Variants in DNAH3 observed in about 807,000 individuals in gnomAD.
DNAH3 encodes dynein axonemal heavy chain 3.
Under a neutral mutation model 432.5 loss-of-function variants are expected in DNAH3, and 332 were observed. The observed-to-expected ratio is 0.77, with a 90% CI of 0.70 to 0.84. DNAH3 has a LOEUF of 0.84. Ranked by LOEUF, DNAH3 falls within the 40% of genes least tolerant of loss-of-function variation. The probability of loss-of-function intolerance (pLI) is 0.00; values close to 1 mark genes in which losing one functional copy is unlikely to be tolerated. For synonymous variants in DNAH3, 1,956 were observed against 1,900.2 expected (o/e 1.03, Z -0.76); for missense variants, 4,861 against 5,114.0 (o/e 0.95, Z 1.51).
At chr16:21,106,569 G>A in exon 15 of DNAH3, 2 of 1,612,378 alleles carry the variant, frequency 1.2e-6, no homozygotes, top group South Asian at 1.1e-5. Context: ...TGAACACAGT[G>A]ACAGCACTGG....
chr16:21,013,778 A>C (rs2087732276), intron 41 of DNAH3, among the ~76,000 whole-genome samples: 1 of 152,024 alleles, frequency 6.6e-6, no homozygotes, highest in African/African-American at 2.4e-5. Context: ...TACTGATTCA[A>C]TGGACATTAA....
chr16:21,140,026 C>A (rs2092698563), intron 5 of DNAH3, among the ~76,000 whole-genome samples: 1 of 151,440 alleles, frequency 6.6e-6, no homozygotes, highest in Admixed American at 6.6e-5. Flanking sequence ...CTCAAGTGAT[C>A]CACCTGCCTC....
intron 1 of DNAH3, chr16:21,150,828 T>C (rs1275201919): frequency 1.3e-5 from 2 of 153,392 alleles, no homozygotes; most frequent in African/African-American, 4.8e-5. Context: ...AGTGCTTGTA[T>C]GCAGGCGCTG....
chr16:21,135,490 C>T (rs760102557), intron 6 of DNAH3, among the ~76,000 whole-genome samples: 18 of 152,002 alleles, frequency 1.2e-4, no homozygotes, highest in Non-Finnish European at 2.5e-4. Context: ...GTCATGAATT[C>T]GAGACCAGAC....
intron 1 of DNAH3, among the ~76,000 whole-genome samples, chr16:21,150,000 CG>C (rs2092833088): frequency 6.6e-6 from 1 of 151,858 alleles, no homozygotes; most frequent in Non-Finnish European, 1.5e-5. Context: ...CTGAGGCAGG[CG>C]GATCTCCTGA....
At chr16:20,994,121 C>A (rs1176569342) in intron 44 of DNAH3, among the ~76,000 whole-genome samples, 8 of 151,880 alleles carry the variant, frequency 5.3e-5, no homozygotes, top group Non-Finnish European at 8.8e-5. Context: ...CCTTTTAATC[C>A]TTTTCTTCAT....
intron 11 of DNAH3, among the ~76,000 whole-genome samples, chr16:21,117,578 G>C (rs2092235525): frequency 6.6e-6 from 1 of 152,078 alleles, no homozygotes; most frequent in Non-Finnish European, 1.5e-5. Context: ...CTTGTCCTTT[G>C]AGAGTCCCCC....
At chr16:21,050,049 T>C in intron 29 of DNAH3, 31 bp from the exon 30 acceptor site, 1 of 1,507,048 alleles carries the variant, frequency 6.6e-7, no homozygotes, top group Non-Finnish European at 9.2e-7. Flanking sequence ...CTTCAGTGCT[T>C]GAGGTCTAAG....
At chr16:21,156,380 T>A (rs1712629543) in intron 1 of DNAH3, among the ~76,000 whole-genome samples, 1 of 151,984 alleles carries the variant, frequency 6.6e-6, no homozygotes, top group South Asian at 2.1e-4. Flanking sequence ...TACAGGCATG[T>A]GCCACTATGC....
Position 20,941,417 on chromosome 16 carries a change from G to A in DNAH3, c.11638C>T (p.Leu3880Phe), listed in dbSNP as rs2083804473. The A allele has an allele frequency of 2.5e-6, 4 of 1,613,880 alleles. No individual in the cohort carries two copies. In the South Asian group the frequency reaches 4.4e-5, roughly 18 times the overall value. Residue 3880 changes from leucine (L) to phenylalanine (F), a missense_variant, in exon 59 of 62, where the codon CTC (leucine) becomes TTC (phenylalanine). By Grantham distance (22) the Leu-to-Phe change is conservative. Transcript: ENST00000261383. ...CTGGCCCACCTGTTGAATCTGATGAGCTCCTGCCTTAGGACGGTATTCATG... is the reference window on the plus strand; with the variant it reads ...CTGGCCCACCTGTTGAATCTGATGAACTCCTGCCTTAGGACGGTATTCATG...
chr16:21,025,715 C>T (rs1474452452), intron 38 of DNAH3, among the ~76,000 whole-genome samples: 1 of 151,508 alleles, frequency 6.6e-6, no homozygotes. Flanking sequence ...TTTATTAATT[C>T]ACTCTTTTGT....
At chr16:21,098,454 A>AAAAAG (rs1209187624) in intron 17 of DNAH3, among the ~76,000 whole-genome samples, 162 bp downstream of exon 17, 76 of 149,672 alleles carry the variant, frequency 5.1e-4, no homozygotes, top group East Asian at 3.4e-3. Context: ...AAAAAAAAAA[A>AAAAAG]AAAAGAAAAG....
exon 6 of DNAH3, chr16:21,136,391 C>A (rs1296729033): frequency 6.2e-7 from 1 of 1,614,070 alleles, no homozygotes; most frequent in Non-Finnish European, 8.5e-7. Context: ...CCATCAGGGG[C>A]TCCAGGAAGG....
At chr16:20,986,434 G>C (rs961795773) in intron 47 of DNAH3, among the ~76,000 whole-genome samples, 1 of 152,056 alleles carries the variant, frequency 6.6e-6, no homozygotes, top group African/African-American at 2.4e-5. Context: ...TTGAGCCCAG[G>C]AGCTTGAGGC....
intron 27 of DNAH3, among the ~76,000 whole-genome samples, chr16:21,055,123 T>C (rs750946439): frequency 3.3e-5 from 5 of 151,516 alleles, no homozygotes; most frequent in Non-Finnish European, 5.9e-5. Context: ...AGTAGGGCAA[T>C]TGGCTAATTT....
At chr16:21,022,352 G>A (rs1287344647) in intron 39 of DNAH3, among the ~76,000 whole-genome samples, 2 of 152,222 alleles carry the variant, frequency 1.3e-5, no homozygotes, top group African/African-American at 4.8e-5. Flanking sequence ...CTGATACTCA[G>A]AGAGGCTTGG....
At chr16:21,092,277 T>C (rs554110444) in intron 18 of DNAH3, among the ~76,000 whole-genome samples, 3 of 152,238 alleles carry the variant, frequency 2.0e-5, no homozygotes, top group Admixed American at 6.5e-5. Flanking sequence ...CATAGATCAG[T>C]GGAACAGAAT....
At chr16:21,034,116 T>TA (rs2089039884) in intron 35 of DNAH3, 31 bp from the exon 36 acceptor site, 1 of 1,455,094 alleles carries the variant, frequency 6.9e-7, no homozygotes, top group African/African-American at 1.4e-5. Context: ...TAAAAGAAGC[T>TA]AATCATTGCA....
intron 25 of DNAH3, 29 bp from the exon 26 acceptor site, chr16:21,060,385 G>A (rs1250861638): frequency 1.9e-6 from 3 of 1,580,414 alleles, no homozygotes; most frequent in Non-Finnish European, 2.6e-6. Context: ...AGAGGGTGCA[G>A]CAGTCAACCA....
Sources: gnomAD v4.1 joint callset for allele counts (sites outside exome capture counted in the v4.1 genomes callset) on GRCh38, gnomAD v4.1.1 for gene constraint, MANE v1.5 for transcripts, NCBI Gene and HGNC (gene_info 2026-07-23, HGNC 2026-07-21) for gene names.